BMPR1A: variants seen among roughly 807,000 people sequenced by gnomAD.
BMPR1A encodes bone morphogenetic protein receptor type-1A.
A neutral mutation model predicts 66.0 loss-of-function variants in BMPR1A; 7 were observed. The observed-to-expected ratio is 0.11, with a 90% CI of 0.06 to 0.20. The LOEUF (loss-of-function observed/expected upper bound fraction) is 0.20. Ranked by LOEUF, BMPR1A falls within the 10% of genes least tolerant of loss-of-function variation. BMPR1A has a pLI of 1.00. For missense variants in BMPR1A, 408 were observed against 669.1 expected, an observed-to-expected ratio of 0.61 and a Z score of 4.31; for synonymous variants, 200 against 229.7, an observed-to-expected ratio of 0.87 and a Z score of 1.17.
At chr10:86,764,477 G>C (rs536730248) in intron 1 of BMPR1A, among the ~76,000 whole-genome samples, 1 of 152,148 alleles carries the variant, frequency 6.6e-6, no homozygotes, top group Non-Finnish European at 1.5e-5. Context: ...GGGAAAAATT[G>C]CATGTTGAAG....
chr10:86,864,435 A>G (rs1383842780), intron 2 of BMPR1A, among the ~76,000 whole-genome samples: 1 of 152,208 alleles, frequency 6.6e-6, no homozygotes, highest in Non-Finnish European at 1.5e-5. Flanking sequence ...CTTCTCTGCT[A>G]GCATCACAGA....
chr10:86,811,394 T>G (rs1353360659), intron 1 of BMPR1A, among the ~76,000 whole-genome samples: 2 of 152,324 alleles, frequency 1.3e-5, no homozygotes, highest in South Asian at 4.1e-4. Flanking sequence ...TTTCCCTTTG[T>G]TGCTTGTATT....
Position 86,790,234 on chromosome 10 carries a change from T to TATATAA in BMPR1A, c.-268+33317_-268+33318insATAAAT, listed in dbSNP as rs1190481905. Reference sequence around the variant, plus strand: ...ATATATATATATATATATATATATATATCAAAACCACAATGAGATTCTGCT... The same window carrying TATATAA: ...ATATATATATATATATATATATATATATATAAATCAAAACCACAATGAGATTCTGCT... On this transcript the variant is annotated intron_variant, in intron 1 of 12. Transcript: ENST00000372037. Among the ~76,000 whole-genome samples the TATATAA allele has an allele frequency of 6.0e-4, 29 of 48,010 alleles. 2 individuals are homozygous for TATATAA. The highest frequency in any genetic ancestry group is 2.3e-3 in the South Asian group (2 of 866). 31.5% of individuals were successfully genotyped at this position (48,010 alleles called of 152,430 possible).
intron 1 of BMPR1A, among the ~76,000 whole-genome samples, chr10:86,789,494 C>T (rs1841568292): frequency 6.6e-6 from 1 of 151,876 alleles, no homozygotes; most frequent in African/African-American, 2.4e-5. Context: ...GGGCGGATCA[C>T]TTGAGGTCAG....
intron 2 of BMPR1A, among the ~76,000 whole-genome samples, chr10:86,865,643 A>G (rs1842777160): frequency 6.6e-6 from 1 of 152,206 alleles, no homozygotes; most frequent in South Asian, 2.1e-4. Context: ...TGAGTTGACA[A>G]AAAGAAATTA....
At chr10:86,777,639 G>T (rs1186798471) in intron 1 of BMPR1A, among the ~76,000 whole-genome samples, 1 of 151,946 alleles carries the variant, frequency 6.6e-6, no homozygotes, top group Admixed American at 6.6e-5. Context: ...ATACATCACA[G>T]TGTTACAATA....
At chr10:86,806,933 A>G (rs575662070) in intron 1 of BMPR1A, among the ~76,000 whole-genome samples, 10 of 152,026 alleles carry the variant, frequency 6.6e-5, no homozygotes, top group South Asian at 2.1e-4. Flanking sequence ...TCCTTTGGAT[A>G]TGGCCTTGTC....
intron 11 of BMPR1A, 28 bp from the exon 12 acceptor site, chr10:86,923,348 G>A (rs1398889840): frequency 1.9e-6 from 3 of 1,613,480 alleles, no homozygotes; most frequent in Admixed American, 1.7e-5. Flanking sequence ...AACCATTTTT[G>A]TGCCCATGTT....
At chr10:86,928,218 TC>T (rs1843772459), downstream of BMPR1A, 1 of 133,758 alleles carries the variant, frequency 7.5e-6, no homozygotes, top group Admixed American at 7.6e-5. Context: ...GTTTTCTTTT[TC>T]CTTTTTTTTT....
chr10:86,909,071 C>T (rs547503315), intron 7 of BMPR1A, among the ~76,000 whole-genome samples: 37 of 152,224 alleles, frequency 2.4e-4, no homozygotes, highest in Admixed American at 5.9e-4. Flanking sequence ...TGTTATACAG[C>T]GAGGGCCTTG....
downstream of BMPR1A, chr10:86,931,089 A>C (rs1843803024): frequency 6.6e-6 from 1 of 151,238 alleles, no homozygotes; most frequent in Non-Finnish European, 1.5e-5. Flanking sequence ...TAAGGTACAA[A>C]AATTAGCTGG....
chr10:86,836,194 A>G (rs1021974935), intron 1 of BMPR1A, among the ~76,000 whole-genome samples: 3 of 152,240 alleles, frequency 2.0e-5, no homozygotes, highest in African/African-American at 7.2e-5. Flanking sequence ...CAGTAAGCTA[A>G]GTGATTAAAG....
Position 86,879,153 on chromosome 10 carries a change from T to A in BMPR1A, c.67+3068T>A, listed in dbSNP as rs1350079897. On this transcript the variant is annotated intron_variant, in intron 3 of 12. Transcript: ENST00000372037. ...GTTCTTTGTCTTTTCAACTGTGACA[T>A]CTCTAAATGTCAGGTTAGCCACAGT... 2.0e-5 allele frequency among the ~76,000 whole-genome samples: 3 copies of A among 152,274 alleles called. No individual in the cohort carries two copies. In the East Asian group the frequency reaches 5.8e-4, roughly 29 times the overall value.
chr10:86,776,675 G>T (rs1229548979), intron 1 of BMPR1A, among the ~76,000 whole-genome samples: 1 of 152,078 alleles, frequency 6.6e-6, no homozygotes, highest in Non-Finnish European at 1.5e-5. Context: ...TAGAAAACAT[G>T]ATATTCAATC....
intron 2 of BMPR1A, among the ~76,000 whole-genome samples, chr10:86,851,971 G>A (rs932332126): frequency 5.9e-5 from 9 of 152,162 alleles, no homozygotes; most frequent in Admixed American, 5.9e-4. Context: ...ACAGATGCCT[G>A]TACTGGACAA....
In BMPR1A at chr10:86,779,737, C is replaced by T. The variant is rs373057253; in HGVS notation, c.-268+22818C>T. Among the ~76,000 whole-genome samples, 5 of 152,186 alleles carry T rather than the reference C, an allele frequency of 3.3e-5. No homozygotes were observed. In the South Asian group the frequency reaches 1.0e-3, roughly 32 times the overall value. On this transcript the variant is annotated intron_variant, in intron 1 of 12. Transcript: ENST00000372037. ...ACCTCAACTTCCTGAGTAGCTGGGA[C>T]TACAGATGTGTGCCAATGGGCCCAG...
At chr10:86,811,380 T>G (rs1272196764) in intron 1 of BMPR1A, among the ~76,000 whole-genome samples, 1 of 152,212 alleles carries the variant, frequency 6.6e-6, no homozygotes, top group African/African-American at 2.4e-5. Context: ...AGTTTATATT[T>G]GTTTTTCCCT....
chr10:86,921,640 C>T lies in BMPR1A; in HGVS notation c.1287C>T (p.Asp429=), dbSNP rs777021606. Reference sequence around the variant, plus strand: ...ACTTCCAGCCCTACATCATGGCTGACATCTACAGCTTCGGCCTAATCATTT... The same window carrying T: ...ACTTCCAGCCCTACATCATGGCTGATATCTACAGCTTCGGCCTAATCATTT... ...KNHFQPYIMA[D]IYSFGLIIWE... Residue 429 remains aspartate (D), a synonymous_variant, in exon 11 of 13, where the codon GAC becomes GAT. Coordinates refer to ENST00000372037, the MANE Select transcript of BMPR1A (RefSeq NM_004329.3). 6.2e-7 allele frequency: 1 copy of T among 1,614,210 alleles called. No individual in the cohort carries two copies. The highest frequency in any genetic ancestry group is 8.5e-7 in the Non-Finnish European group (1 of 1,180,034).
At chr10:86,790,419 G>C (rs1841598967) in intron 1 of BMPR1A, among the ~76,000 whole-genome samples, 1 of 151,520 alleles carries the variant, frequency 6.6e-6, no homozygotes, top group Non-Finnish European at 1.5e-5. Flanking sequence ...TAAATGTTGA[G>C]TTTCCATATG....
Sources: allele counts gnomAD v4.1 joint callset (sites outside exome capture counted in the v4.1 genomes callset), GRCh38; gene constraint gnomAD v4.1.1; transcripts MANE v1.5; gene names NCBI Gene and HGNC (gene_info 2026-07-23, HGNC 2026-07-21).